PCGF5: variants seen among roughly 807,000 people sequenced by gnomAD.
The protein encoded by PCGF5 is polycomb group RING finger protein 5.
PCGF5 carries 9 observed loss-of-function variants against 44.3 expected under a neutral mutation model. That is an observed-to-expected ratio of 0.20 (90% CI 0.12 to 0.35). PCGF5 has a LOEUF of 0.35. PCGF5 is among the 10% of genes least tolerant of loss of function. PCGF5 has a pLI of 1.00. For synonymous variants in PCGF5, 95 were observed against 102.5 expected, an observed-to-expected ratio of 0.93 and a Z score of 0.44; for missense variants, 146 against 305.3, an observed-to-expected ratio of 0.48 and a Z score of 3.89.
chr10:91,204,086 A>G (rs1844300026), intron 1 of PCGF5, among the ~76,000 whole-genome samples: 1 of 152,218 alleles, frequency 6.6e-6, no homozygotes, highest in Admixed American at 6.5e-5. Context: ...TAGTGATAAC[A>G]TTTAGAGAAC....
At chr10:91,158,997 GT>G (rs1843349349), upstream of PCGF5, among the ~76,000 whole-genome samples, 2 of 152,210 alleles carry the variant, frequency 1.3e-5, no homozygotes, top group Non-Finnish European at 2.9e-5. Context: ...CTGAGGACTG[GT>G]GGGGGGATCC....
chr10:91,168,630 T>C (rs1843543596), intron 1 of PCGF5, among the ~76,000 whole-genome samples: 1 of 151,874 alleles, frequency 6.6e-6, no homozygotes, highest in Non-Finnish European at 1.5e-5. Context: ...CAATGAAGCT[T>C]TCTTAAAAAC....
intron 1 of PCGF5, among the ~76,000 whole-genome samples, chr10:91,197,729 A>G (rs575194367): frequency 6.6e-6 from 1 of 152,186 alleles, no homozygotes; most frequent in Non-Finnish European, 1.5e-5. Context: ...CTCCCACCAT[A>G]TTCCCCTTTT....
intron 2 of PCGF5, among the ~76,000 whole-genome samples, chr10:91,226,879 C>T (rs1351334202): frequency 6.6e-6 from 1 of 152,036 alleles, no homozygotes; most frequent in East Asian, 1.9e-4. Flanking sequence ...CTACTAATAC[C>T]TCTTCCCTTC....
At chr10:91,257,863 A>G (rs964512466) in intron 6 of PCGF5, among the ~76,000 whole-genome samples, 7 of 152,160 alleles carry the variant, frequency 4.6e-5, no homozygotes, top group Admixed American at 6.6e-5. Context: ...ATGTATATTC[A>G]TAATAGCATT....
At chr10:91,219,163 C>T (rs1844604140), upstream of PCGF5, among the ~76,000 whole-genome samples, 1 of 152,160 alleles carries the variant, frequency 6.6e-6, no homozygotes, top group South Asian at 2.1e-4. Context: ...GGCAACCCCA[C>T]CTCCACATTC....
At chr10:91,217,135 G>A (rs939891878), upstream of PCGF5, among the ~76,000 whole-genome samples, 17 of 152,032 alleles carry the variant, frequency 1.1e-4, no homozygotes, top group African/African-American at 3.4e-4. Flanking sequence ...CTGGGTTCAC[G>A]CCATTCTCCT....
chr10:91,276,253 T>G (rs1030250907), intron 9 of PCGF5, among the ~76,000 whole-genome samples: 10 of 152,192 alleles, frequency 6.6e-5, no homozygotes, highest in African/African-American at 2.4e-4. Flanking sequence ...AAAAACAAGT[T>G]TTGACAAAAA....
chr10:91,233,493 G>A (rs142605295), intron 2 of PCGF5, among the ~76,000 whole-genome samples: 1 of 152,186 alleles, frequency 6.6e-6, no homozygotes, highest in Non-Finnish European at 1.5e-5. Context: ...ATTGCAACTC[G>A]TGTAGGCCTT....
At chr10:91,261,159 ATAT>A (rs1419960718) in intron 6 of PCGF5, among the ~76,000 whole-genome samples, 164 bp from the exon 7 acceptor site, 1 of 152,158 alleles carries the variant, frequency 6.6e-6, no homozygotes, top group East Asian at 1.9e-4. Flanking sequence ...ATAATTAGGA[ATAT>A]TTTTACTCGC....
rs759646412 is a variant in PCGF5, at chr10:91,248,701, A to G, written c.302A>G (p.Asn101Ser). 1.2e-6 allele frequency: 2 copies of G among 1,609,520 alleles called. No individual in the cohort carries two copies. The highest frequency in any genetic ancestry group is 1.1e-5 in the South Asian group (1 of 90,610). Residue 101 changes from asparagine to serine, a missense_variant, in exon 5 of 10, where the codon AAT becomes AGT. Around this residue, in one of 3 missense-constraint regions of PCGF5, gnomAD observed 123 missense variants for 268.6 expected, o/e 0.46. Transcript: ENST00000336126. Reference protein sequence around the residue: ...LERESEFWKKNKPQENGQDDT... With the variant: ...LERESEFWKKSKPQENGQDDT... ...CGTGAATCTGAATTTTGGAAGAAAA[A>G]TAAGCCTCAAGAAAATGGACAAGGT...
intron 1 of PCGF5, among the ~76,000 whole-genome samples, chr10:91,173,510 G>GAAATAGACC (rs2133173878): frequency 6.8e-6 from 1 of 148,040 alleles, no homozygotes; most frequent in South Asian, 2.2e-4. Flanking sequence ...CCCAGCTCAA[G>GAAATAGACC]AAATAGACCA....
intron 1 of PCGF5, among the ~76,000 whole-genome samples, chr10:91,198,524 A>G (rs564304370): frequency 2.6e-5 from 4 of 152,138 alleles, no homozygotes; most frequent in Non-Finnish European, 5.9e-5. Context: ...GGTCACCCCA[A>G]ACCACTATTT....
intron 6 of PCGF5, among the ~76,000 whole-genome samples, chr10:91,254,985 C>G (rs1845713204): frequency 6.6e-6 from 1 of 152,116 alleles, no homozygotes; most frequent in Non-Finnish European, 1.5e-5. Context: ...AAATAACAGC[C>G]TGCTTTCCCA....
rs1262661421 is a variant in PCGF5 at position 91,279,848 on chromosome 10, A to G, written c.*1532A>G. 1 of 152,146 alleles carries G rather than the reference A, an allele frequency of 6.6e-6. No individual in the cohort carries two copies. The highest frequency in any genetic ancestry group is 1.9e-4 in the East Asian group (1 of 5,204). The allele number at this position is 152,146 out of a possible 1,614,324, so 9.4% of individuals were successfully genotyped here. A position where few individuals can be genotyped will look rare whatever the true frequency, so the allele number is the denominator to read the frequency against. On this transcript the variant is annotated 3_prime_UTR_variant, in exon 10 of 10. Transcript: ENST00000336126. ...CAGAAATCAATGCCTTCTGAATTTC[A>G]AAATGATTCTTAGAAATAAGATATT...
chr10:91,159,164 A>T (rs1843351087), upstream of PCGF5, among the ~76,000 whole-genome samples: 1 of 152,240 alleles, frequency 6.6e-6, no homozygotes, highest in South Asian at 2.1e-4. Flanking sequence ...CAAATAATGC[A>T]GGGAACATAC....
In PCGF5 at chr10:91,190,193, C is replaced by T. The variant is rs562852868; in HGVS notation, c.-184+27112C>T. Among the ~76,000 whole-genome samples, 48 of 152,300 alleles carry T rather than the reference C, an allele frequency of 3.2e-4. 1 individual carries two copies. In the South Asian group the frequency reaches 7.9e-3, roughly 25 times the overall value. On this transcript the variant is annotated intron_variant, in intron 1 of 9. Coordinates refer to the PCGF5 transcript ENST00000614189. The stretch of plus-strand genomic sequence containing the variant: ...GTGACCTCACATAGTGGAAGGGACT[C>T]GCTGGCTTTCTGACATCTCTTTTAT...
chr10:91,165,867 A>G (rs989530683), intron 1 of PCGF5, among the ~76,000 whole-genome samples: 10 of 152,220 alleles, frequency 6.6e-5, no homozygotes, highest in African/African-American at 2.4e-4. Flanking sequence ...CTTTGGAGGC[A>G]TGTTAATTAG....
chr10:91,265,848 G>T lies in PCGF5; in HGVS notation c.663+1328G>T, dbSNP rs576673416. 4.6e-5 allele frequency among the ~76,000 whole-genome samples: 7 copies of T among 152,224 alleles called. No homozygotes were observed. In the South Asian group the frequency reaches 6.2e-4, roughly 14 times the overall value. Reference sequence around the variant, plus strand: ...CTTCTTTGTGAGACTGAACGCTTTCGCTAGCAGCAGGAAGAAAAAATTACA... The same window carrying T: ...CTTCTTTGTGAGACTGAACGCTTTCTCTAGCAGCAGGAAGAAAAAATTACA... On this transcript the variant is annotated intron_variant, in intron 8 of 9. Coordinates refer to ENST00000336126, the MANE Select transcript of PCGF5 (RefSeq NM_032373.5).
Sources: gnomAD v4.1 joint callset for allele counts (sites outside exome capture counted in the v4.1 genomes callset) on GRCh38, gnomAD v4.1.1 for gene constraint, gnomAD v4.1.1 regional missense constraint, MANE v1.5 for transcripts, NCBI Gene and HGNC (gene_info 2026-07-23, HGNC 2026-07-21) for gene names.